FAM200B: variants seen among roughly 807,000 people sequenced by gnomAD.
The protein encoded by FAM200B is zinc finger BED-type containing 11.
Under a neutral mutation model 33.1 loss-of-function variants are expected in FAM200B, and 32 were observed. The ratio of observed to expected loss-of-function variants is 0.97; its 90% confidence interval spans 0.73 to 1.30. FAM200B has a LOEUF of 1.30. Ranked by LOEUF, FAM200B falls within the 50% of genes most tolerant of loss-of-function variation. The probability of loss-of-function intolerance (pLI) is 0.00; values close to 1 mark genes in which losing one functional copy is unlikely to be tolerated. For missense variants in FAM200B, 741 were observed against 754.0 expected, an observed-to-expected ratio of 0.98 and a Z score of 0.20; for synonymous variants, 240 against 264.8, an observed-to-expected ratio of 0.91 and a Z score of 0.91.
At position 15,686,985 on chromosome 4, in the gene FAM200B, A is replaced by G. The variant is rs573901800; in HGVS notation, c.8A>G (p.His3Arg). 4 of 1,375,346 alleles carry G rather than the reference A, an allele frequency of 2.9e-6. No individual in the cohort carries two copies. Among genetic ancestry groups the G allele is most frequent in the Non-Finnish European group, 2.9e-6 (3 of 1,035,988 alleles). The allele number at this position is 1,375,346 out of a possible 1,614,324, so 85.2% of individuals were successfully genotyped here. MD[H>R]FFIKRKRNSE... Reference sequence around the variant, plus strand: ...GAACAAATTGCTATTAAAATGGATCATTTCTTTATTAAAAGAAAGAGGAAT... The same window carrying G: ...GAACAAATTGCTATTAAAATGGATCGTTTCTTTATTAAAAGAAAGAGGAAT... Residue 3 changes from histidine to arginine, a missense_variant, in exon 2 of 2, where the codon CAT becomes CGT. By Grantham distance (29) the His-to-Arg change is conservative. Coordinates refer to ENST00000422728, the MANE Select transcript of FAM200B (RefSeq NM_001145191.2).
chr4:15,664,058 A>C, the FAM200B span, among the ~76,000 whole-genome samples: 1 of 152,206 alleles, frequency 6.6e-6, no homozygotes, highest in Non-Finnish European at 1.5e-5. Flanking sequence ...CCATTAAGAA[A>C]TAGCAGAGCC....
chr4:15,662,668 G>T, the FAM200B span, among the ~76,000 whole-genome samples: 1 of 151,890 alleles, frequency 6.6e-6, no homozygotes, highest in African/African-American at 2.4e-5. Context: ...GATAAAAATT[G>T]TTTTTTTCAA....
the FAM200B span, among the ~76,000 whole-genome samples, chr4:15,660,866 C>G: frequency 6.6e-6 from 1 of 152,222 alleles, no homozygotes; most frequent in South Asian, 2.1e-4. Context: ...CACTTCAGGT[C>G]AGGAGTTTGA....
At chr4:15,678,807 C>G (rs1718088366), upstream of FAM200B, among the ~76,000 whole-genome samples, 1 of 152,072 alleles carries the variant, frequency 6.6e-6, no homozygotes, top group Non-Finnish European at 1.5e-5. Context: ...CTTCATTTTT[C>G]TCATTATCTT....
the FAM200B span, among the ~76,000 whole-genome samples, chr4:15,673,334 G>A: frequency 6.6e-6 from 1 of 152,062 alleles, no homozygotes; most frequent in Non-Finnish European, 1.5e-5. Context: ...CCAGCTACTT[G>A]GGAGGCTGAG....
chr4:15,655,703 A>G, the FAM200B span, among the ~76,000 whole-genome samples: 4 of 152,182 alleles, frequency 2.6e-5, no homozygotes, highest in African/African-American at 4.8e-5. Context: ...GCCAAGCACA[A>G]TGGCCGCGGT....
At chr4:15,685,726 G>C (rs568302406) in intron 1 of FAM200B, among the ~76,000 whole-genome samples, 13 of 152,114 alleles carry the variant, frequency 8.5e-5, no homozygotes, top group African/African-American at 3.1e-4. Context: ...CAGTTAAGAC[G>C]TGGAAATTTT....
At chr4:15,654,807 A>G in the FAM200B span, among the ~76,000 whole-genome samples, 1 of 152,088 alleles carries the variant, frequency 6.6e-6, no homozygotes, top group East Asian at 1.9e-4. Context: ...TGCAGATGGG[A>G]GTCCACCGCA....
the FAM200B span, among the ~76,000 whole-genome samples, chr4:15,646,930 G>A: frequency 6.6e-6 from 1 of 151,784 alleles, no homozygotes; most frequent in Non-Finnish European, 1.5e-5. Flanking sequence ...AACCAACTGT[G>A]GATTGAAAAA....
Position 15,689,763 on chromosome 4 carries a change from T to C in FAM200B, c.*812T>C, listed in dbSNP as rs1719230503. Reference sequence around the variant, plus strand: ...CTGCAGTCCAGCCTGAGCAACAGAGTGAAACCCTGTCTCGAGAAAATTAAA... The same window carrying C: ...CTGCAGTCCAGCCTGAGCAACAGAGCGAAACCCTGTCTCGAGAAAATTAAA... On this transcript the variant is annotated 3_prime_UTR_variant, in exon 2 of 2. Transcript: ENST00000422728. 1.8e-5 allele frequency: 3 copies of C among 164,048 alleles called. No individual in the cohort carries two copies. The highest frequency in any genetic ancestry group is 2.9e-5 in the Non-Finnish European group (2 of 68,102). 10.2% of individuals were successfully genotyped at this position (164,048 alleles called of 1,614,324 possible).
chr4:15,640,750 G>T, the FAM200B span: 2 of 1,107,862 alleles, frequency 1.8e-6, no homozygotes, highest in Non-Finnish European at 2.6e-6. Context: ...TTTTAAGAAT[G>T]TTATAAATCT....
chr4:15,637,905 A>T, the FAM200B span, among the ~76,000 whole-genome samples: 370 of 145,310 alleles, frequency 2.5e-3, 8 homozygotes, highest in East Asian at 0.059. Context: ...GTTTTTTTAA[A>T]AAAAAAAAAA....
chr4:15,655,231 C>T, the FAM200B span: 1 of 1,439,614 alleles, frequency 6.9e-7, no homozygotes, highest in African/African-American at 1.5e-5. Flanking sequence ...CCACCAGCTG[C>T]TTCATCCGCC....
At chr4:15,659,170 A>T in the FAM200B span, among the ~76,000 whole-genome samples, 22 of 152,356 alleles carry the variant, frequency 1.4e-4, no homozygotes, top group African/African-American at 4.8e-4. Context: ...AGCAGTTTTA[A>T]GTACCTGACA....
chr4:15,679,187 T>A (rs1483542867), upstream of FAM200B, among the ~76,000 whole-genome samples: 1 of 151,396 alleles, frequency 6.6e-6, no homozygotes, highest in African/African-American at 2.4e-5. Context: ...CTCAGCCTCC[T>A]GAGTAGCTGG....
At chr4:15,655,312 A>G in the FAM200B span, 4 of 1,371,612 alleles carry the variant, frequency 2.9e-6, no homozygotes, top group Non-Finnish European at 3.9e-6. Flanking sequence ...CCTCCGCCTC[A>G]GCAGCCGCGG....
chr4:15,639,947 T>C, the FAM200B span, among the ~76,000 whole-genome samples: 1 of 152,220 alleles, frequency 6.6e-6, no homozygotes, highest in Non-Finnish European at 1.5e-5. Flanking sequence ...CTGATATTCA[T>C]CCCATATTAG....
chr4:15,638,773 G>T, the FAM200B span: 1 of 887,922 alleles, frequency 1.1e-6, no homozygotes, highest in Non-Finnish European at 1.7e-6. Context: ...ATTATTAATG[G>T]CTCGAATGTC....
the FAM200B span, chr4:15,638,464 G>T: frequency 7.2e-7 from 1 of 1,396,180 alleles, no homozygotes; most frequent in South Asian, 1.5e-5. Flanking sequence ...AGATGTCAAT[G>T]ACCTTACAAC....
Sources: gnomAD v4.1 joint callset for allele counts (sites outside exome capture counted in the v4.1 genomes callset) on GRCh38, gnomAD v4.1.1 for gene constraint, MANE v1.5 for transcripts, NCBI Gene and HGNC (gene_info 2026-07-23, HGNC 2026-07-21) for gene names.